Variants in TMEM117 observed in about 807,000 individuals in gnomAD.
TMEM117 encodes transmembrane protein 117.
In TMEM117, 27 loss-of-function variants were observed where a neutral mutation model predicts 52.4. That is an observed-to-expected ratio of 0.51 (90% CI 0.38 to 0.71). The LOEUF is 0.71. TMEM117 is among the 30% of genes least tolerant of loss of function. The pLI is 0.00. For synonymous variants in TMEM117, 215 were observed against 206.3 expected, an observed-to-expected ratio of 1.04 and a Z score of -0.36; for missense variants, 556 against 630.5, an observed-to-expected ratio of 0.88 and a Z score of 1.26.
chr12:43,874,311 T>G (rs1304081632), intron 2 of TMEM117, among the ~76,000 whole-genome samples: 1 of 152,144 alleles, frequency 6.6e-6, no homozygotes, highest in Non-Finnish European at 1.5e-5. Context: ...CTGGGCATGG[T>G]GTCTCATGCC....
intron 3 of TMEM117, among the ~76,000 whole-genome samples, chr12:43,951,745 ATCCTGATGAG>A (rs1945227275): frequency 8.1e-6 from 1 of 123,040 alleles, no homozygotes; most frequent in Non-Finnish European, 1.8e-5. Context: ...GAGGGCTCTG[ATCCTGATGAG>A]GGCGATTCCC....
At chr12:44,253,872 A>T (rs1950224259) in intron 5 of TMEM117, among the ~76,000 whole-genome samples, 1 of 146,344 alleles carries the variant, frequency 6.8e-6, no homozygotes, top group South Asian at 2.2e-4. Flanking sequence ...ACACACACAC[A>T]CACACCTTCT....
At chr12:43,950,559 A>G (rs1364938017) in intron 3 of TMEM117, among the ~76,000 whole-genome samples, 1 of 137,774 alleles carries the variant, frequency 7.3e-6, no homozygotes, top group African/African-American at 2.7e-5. Flanking sequence ...AAAAAAAAAA[A>G]GTGTACTTTT....
chr12:44,331,618 TAGC>T (rs1401776722), intron 6 of TMEM117, among the ~76,000 whole-genome samples: 1 of 152,138 alleles, frequency 6.6e-6, no homozygotes. Flanking sequence ...ACTGTTTAGA[TAGC>T]AGGGTGATTG....
intron 5 of TMEM117, among the ~76,000 whole-genome samples, chr12:44,276,890 TTGTGTGTGTGTGTGTGTATG>T (rs1325687066): frequency 1.4e-5 from 2 of 145,186 alleles, no homozygotes; most frequent in South Asian, 2.1e-4. Context: ...CATGAAAAGT[TTGTGTGTGTGTGTGTGTATG>T]TGTGTGTGTG....
chr12:44,263,311 C>T (rs1338576533), intron 5 of TMEM117, among the ~76,000 whole-genome samples: 1 of 152,158 alleles, frequency 6.6e-6, no homozygotes. Context: ...GATACCATCT[C>T]ACGCCAGTTA....
chr12:44,286,494 C>T (rs1477496439), intron 5 of TMEM117, among the ~76,000 whole-genome samples: 1 of 152,042 alleles, frequency 6.6e-6, no homozygotes, highest in Non-Finnish European at 1.5e-5. Flanking sequence ...ATAAATGAGT[C>T]AGCCCTTTGT....
chr12:44,012,924 ATAGGCCTTCAGTGATGCAGTGG>A (rs1946316706), intron 3 of TMEM117, among the ~76,000 whole-genome samples: 1 of 152,064 alleles, frequency 6.6e-6, no homozygotes, highest in Non-Finnish European at 1.5e-5. Flanking sequence ...AGTGCACTAA[ATAGGCCTTCAGTGATGCAGTGG>A]TAGGGTGTGG....
intron 2 of TMEM117, among the ~76,000 whole-genome samples, chr12:43,888,152 C>G (rs908974213): frequency 6.6e-6 from 1 of 152,068 alleles, no homozygotes; most frequent in Non-Finnish European, 1.5e-5. Context: ...TTACTTTCTC[C>G]GAACATCACC....
chr12:44,252,097 TCA>T (rs1352702728), intron 5 of TMEM117, among the ~76,000 whole-genome samples: 2 of 152,250 alleles, frequency 1.3e-5, no homozygotes, highest in Non-Finnish European at 2.9e-5. Context: ...CAGTCTTCTC[TCA>T]GTTTCACAAG....
At chr12:44,133,019 C>A (rs780336526) in intron 3 of TMEM117, among the ~76,000 whole-genome samples, 1 of 152,168 alleles carries the variant, frequency 6.6e-6, no homozygotes, top group African/African-American at 2.4e-5. Context: ...AGTGAGTTTT[C>A]CATAATATCT....
chr12:43,866,268 A>C (rs1207096144), intron 2 of TMEM117, among the ~76,000 whole-genome samples: 1 of 151,808 alleles, frequency 6.6e-6, no homozygotes, highest in Non-Finnish European at 1.5e-5. Context: ...GTAAGAAATA[A>C]AAATTTCAAC....
At chr12:44,325,195 A>C (rs916296862) in intron 6 of TMEM117, among the ~76,000 whole-genome samples, 6 of 152,196 alleles carry the variant, frequency 3.9e-5, no homozygotes, top group African/African-American at 1.4e-4. Flanking sequence ...GATTTTTAGC[A>C]AGGTAATATA....
Position 44,388,290 on chromosome 12 carries a change from C to T in TMEM117, c.1163C>T (p.Ala388Val). The T allele has an allele frequency of 6.2e-7, 1 of 1,613,512 alleles. No individual in the cohort carries two copies. Among genetic ancestry groups the T allele is most frequent in the Non-Finnish European group, 8.5e-7 (1 of 1,179,656 alleles). ...DMFLHSRFIGASLDVKCLAFV... is the reference protein window; with the variant it reads ...DMFLHSRFIGVSLDVKCLAFV... ...TTCTTACACAGCAGGTTCATAGGAG[C>T]CAGTCTTGATGTCAAGTGTCTGGCC... Residue 388 changes from alanine (A) to valine (V), a missense_variant, in exon 8 of 8, where the codon GCC becomes GTC. Coordinates refer to ENST00000266534, the MANE Select transcript of TMEM117 (RefSeq NM_032256.3).
intron 3 of TMEM117, among the ~76,000 whole-genome samples, chr12:43,985,072 G>C (rs561202134): frequency 4.6e-5 from 7 of 152,200 alleles, no homozygotes; most frequent in Admixed American, 2.6e-4. Flanking sequence ...TCATTTGATA[G>C]AAAACAATGG....
At chr12:44,025,231 G>A (rs1237505911) in intron 3 of TMEM117, among the ~76,000 whole-genome samples, 1 of 152,170 alleles carries the variant, frequency 6.6e-6, no homozygotes, top group Non-Finnish European at 1.5e-5. Flanking sequence ...GTAACACAAT[G>A]AAACAGATGT....
chr12:43,938,663 C>G (rs998558358), intron 2 of TMEM117, among the ~76,000 whole-genome samples: 3 of 151,920 alleles, frequency 2.0e-5, no homozygotes, highest in Non-Finnish European at 4.4e-5. Flanking sequence ...ACTAGTTCTA[C>G]AAAAATTTTG....
At chr12:43,819,267 A>G in the TMEM117 span, among the ~76,000 whole-genome samples, 2 of 152,300 alleles carry the variant, frequency 1.3e-5, no homozygotes, top group East Asian at 3.9e-4. Context: ...AAAAGAGTGA[A>G]GGCCTCCACC....
intron 6 of TMEM117, chr12:44,318,178 G>C (rs985898705): frequency 1.3e-5 from 2 of 152,366 alleles, no homozygotes; most frequent in Non-Finnish European, 2.9e-5. Context: ...CCCAGGCAAG[G>C]GGGTACTTCA....
Sources: allele counts gnomAD v4.1 joint callset (sites outside exome capture counted in the v4.1 genomes callset), GRCh38; gene constraint gnomAD v4.1.1; transcripts MANE v1.5; gene names NCBI Gene and HGNC (gene_info 2026-07-23, HGNC 2026-07-21).